Variants in PLOD2 observed in about 807,000 individuals in gnomAD.
PLOD2 encodes procollagen-lysine,2-oxoglutarate 5-dioxygenase 2.
PLOD2 carries 65 observed loss-of-function variants against 101.0 expected under a neutral mutation model. The ratio of observed to expected loss-of-function variants is 0.64; its 90% CI spans 0.53 to 0.79. The LOEUF is 0.79. PLOD2 is among the 30% of genes least tolerant of loss of function. The probability of loss-of-function intolerance (pLI) is 0.00; values close to 1 mark genes in which losing one functional copy is unlikely to be tolerated. For missense variants in PLOD2, 909 were observed against 914.6 expected, an observed-to-expected ratio of 0.99 and a Z score of 0.08; for synonymous variants, 314 against 302.9, an observed-to-expected ratio of 1.04 and a Z score of -0.38.
rs1013193146 is a variant in PLOD2, at chr3:146,108,185, G to A, written c.503-1541C>T. Reference sequence around the variant, plus strand: ...TATTTTTCTATTAAAAACTCTTTTTGTTGTTGTTTTTGGAGATGGGGCTCT... The same window carrying A: ...TATTTTTCTATTAAAAACTCTTTTTATTGTTGTTTTTGGAGATGGGGCTCT... On this transcript the variant is annotated intron_variant, in intron 4 of 19. Coordinates refer to ENST00000282903, the MANE Select transcript of PLOD2 (RefSeq NM_182943.3). Among the ~76,000 whole-genome samples the A allele has an allele frequency of 4.0e-5, 6 of 151,268 alleles. No individual in the cohort carries two copies. In the South Asian group the frequency reaches 1.3e-3, roughly 32 times the overall value.
rs760643773 is a variant in PLOD2 at position 146,071,124 on chromosome 3, C to T, written c.2039G>A (p.Arg680Gln). 1.5e-5 allele frequency: 24 copies of T among 1,610,734 alleles called. No individual in the cohort carries two copies. In the East Asian group the frequency reaches 3.1e-4, roughly 21 times the overall value. ...ATGATGAGGACGAAGAGAACGCTGT[C>T]GTTCAGGGGAGTATTTTACTACAAA... The part of the protein sequence containing the change: ...LNFVVKYSPE[R>Q]QRSLRPHHDA... The change falls in exon 19 of 20, where the codon CGA becomes CAA. Residue 680 changes from arginine to glutamine, a missense_variant. Transcript: ENST00000282903.
In PLOD2 at chr3:146,088,582, T is replaced by C; in HGVS notation, c.1005+4A>G. On this transcript the variant is annotated splice_donor_region_variant and intron_variant, in intron 9 of 19. Coordinates refer to ENST00000282903, the MANE Select transcript of PLOD2 (RefSeq NM_182943.3). ...CATAAAATATTCATTTCTCAAATACTTACTTTGTTATGAATAAAAAGTTTA... is the reference window on the plus strand; with the variant it reads ...CATAAAATATTCATTTCTCAAATACCTACTTTGTTATGAATAAAAAGTTTA... 1 of 1,548,256 alleles carries C rather than the reference T, an allele frequency of 6.5e-7. No individual in the cohort carries two copies. The highest frequency in any genetic ancestry group is 8.9e-7 in the Non-Finnish European group (1 of 1,122,122).
At chr3:146,089,262 T>C (rs1481420678) in intron 8 of PLOD2, among the ~76,000 whole-genome samples, 1 of 151,504 alleles carries the variant, frequency 6.6e-6, no homozygotes, top group Non-Finnish European at 1.5e-5. Flanking sequence ...TCTTAATGTA[T>C]ATATTTTAAT....
At chr3:146,073,990 T>C (rs931809631) in intron 15 of PLOD2, among the ~76,000 whole-genome samples, 13 of 151,600 alleles carry the variant, frequency 8.6e-5, no homozygotes, top group East Asian at 3.9e-4. Flanking sequence ...TAATCATGAG[T>C]TTACTAGCAC....
intron 3 of PLOD2, among the ~76,000 whole-genome samples, chr3:146,116,320 C>T (rs1178560138): frequency 1.3e-5 from 2 of 151,682 alleles, no homozygotes; most frequent in Non-Finnish European, 2.9e-5. Flanking sequence ...TGACTTTGCA[C>T]AACAGATTAT....
chr3:146,121,363 T>A, intron 2 of PLOD2, 115 bp from the exon 3 acceptor site: 1 of 845,540 alleles, frequency 1.2e-6, no homozygotes, highest in Non-Finnish European at 2.0e-6. Context: ...ACTCTTCTAA[T>A]GTTTCATGGA....
At chr3:146,133,867 A>G (rs1180166045) in intron 1 of PLOD2, among the ~76,000 whole-genome samples, 1 of 152,222 alleles carries the variant, frequency 6.6e-6, no homozygotes, top group Non-Finnish European at 1.5e-5. Flanking sequence ...CAAACCAAAC[A>G]AACAAAAACA....
Position 146,072,549 on chromosome 3 carries a change from A to G in PLOD2, c.1848+12T>C, listed in dbSNP as rs1254386697. ...CATACATTTTAGTTCTTAGTGTGAAATTACAACTTACATGATGTTTTCCCC... is the reference window on the plus strand; with the variant it reads ...CATACATTTTAGTTCTTAGTGTGAAGTTACAACTTACATGATGTTTTCCCC... On this transcript the variant is annotated intron_variant, in intron 17 of 19. Coordinates refer to ENST00000282903, the MANE Select transcript of PLOD2 (RefSeq NM_182943.3). 6.5e-7 allele frequency: 1 copy of G among 1,534,662 alleles called. No individual in the cohort carries two copies. Among genetic ancestry groups the G allele is most frequent in the South Asian group, 1.1e-5 (1 of 89,498 alleles).
chr3:146,110,404 T>G lies in PLOD2; in HGVS notation c.383A>C (p.Lys128Thr). 6.2e-7 allele frequency: 1 copy of G among 1,613,672 alleles called. No individual in the cohort carries two copies. The highest frequency in any genetic ancestry group is 1.1e-5 in the South Asian group (1 of 91,036). The change falls in exon 4 of 20, where the codon AAA (lysine) becomes ACA (threonine). Residue 128 changes from lysine to threonine, a missense_variant. Coordinates refer to ENST00000282903, the MANE Select transcript of PLOD2 (RefSeq NM_182943.3). ...CACTTTGTGGTTTGCCTTTTGGAAT[T>G]TTTTTAGAACTTCTTCTGGACCACC... is the stretch of plus-strand genomic sequence containing the variant. ...FAGGPEEVLK[K>T]FQKANHKVVF...
intron 2 of PLOD2, among the ~76,000 whole-genome samples, chr3:146,122,931 C>T (rs968068900): frequency 2.0e-5 from 3 of 152,062 alleles, no homozygotes; most frequent in African/African-American, 7.2e-5. Flanking sequence ...ATTATTTTAT[C>T]CTAATTTTAT....
At chr3:146,083,905 T>C (rs557985719) in intron 11 of PLOD2, among the ~76,000 whole-genome samples, 1 of 151,998 alleles carries the variant, frequency 6.6e-6, no homozygotes, top group East Asian at 1.9e-4. Flanking sequence ...TTTTAGAAGA[T>C]TTAAAATGTT....
chr3:146,080,115 G>C (rs990704879), intron 12 of PLOD2, among the ~76,000 whole-genome samples: 1 of 151,968 alleles, frequency 6.6e-6, no homozygotes, highest in African/African-American at 2.4e-5. Context: ...TACTAGACTA[G>C]CCTCAAAGAA....
Position 146,139,568 on chromosome 3 carries a change from G to C in PLOD2, c.110-15339C>G, listed in dbSNP as rs546836757. On this transcript the variant is annotated intron_variant, in intron 1 of 19. Transcript: ENST00000282903. ...GATTAAGGGTTTTATTATGATGCAG[G>C]AAAAAGATAATAATGCAGCTCATCC... Among the ~76,000 whole-genome samples, 7 of 152,070 alleles carry C rather than the reference G, an allele frequency of 4.6e-5. No individual in the cohort carries two copies. In the South Asian group the frequency reaches 1.4e-3, roughly 31 times the overall value.
chr3:146,156,325 G>A (rs2032301648), intron 1 of PLOD2, among the ~76,000 whole-genome samples: 1 of 152,226 alleles, frequency 6.6e-6, no homozygotes, highest in African/African-American at 2.4e-5. Flanking sequence ...AAGTTTTTCT[G>A]TACAGGACCA....
chr3:146,146,849 C>T (rs536158171), intron 1 of PLOD2, among the ~76,000 whole-genome samples: 31 of 152,272 alleles, frequency 2.0e-4, no homozygotes, highest in Non-Finnish European at 4.0e-4. Context: ...CTTGTAATTA[C>T]TTTTGTTAAA....
At chr3:146,120,115 A>AT (rs71158217) in intron 3 of PLOD2, among the ~76,000 whole-genome samples, 78,067 of 151,626 alleles carry the variant, frequency 0.51, 20,183 homozygotes, top group Middle Eastern at 0.56. Flanking sequence ...TTGTTTCCTG[A>AT]TTTTTTAATG....
intron 11 of PLOD2, among the ~76,000 whole-genome samples, chr3:146,084,081 AAAC>A (rs147369519): frequency 0.014 from 2,134 of 152,180 alleles, 53 homozygotes; most frequent in African/African-American, 0.048. Context: ...AATTAAGAGA[AAAC>A]AATGCAAATT....
At chr3:146,120,996 C>T in intron 3 of PLOD2, 116 bp downstream of exon 3, 6 of 810,724 alleles carry the variant, frequency 7.4e-6, no homozygotes, top group Middle Eastern at 2.3e-4. Flanking sequence ...GCTAGGATTA[C>T]AGGCGTGAGC....
At chr3:146,107,898 C>A (rs965017976) in intron 4 of PLOD2, among the ~76,000 whole-genome samples, 3 of 151,910 alleles carry the variant, frequency 2.0e-5, no homozygotes, top group Admixed American at 1.3e-4. Context: ...CCCGCCTCAG[C>A]CTCCCAAAGT....
Sources: gnomAD v4.1 joint callset for allele counts (sites outside exome capture counted in the v4.1 genomes callset) on GRCh38, gnomAD v4.1.1 for gene constraint, MANE v1.5 for transcripts, NCBI Gene and HGNC (gene_info 2026-07-23, HGNC 2026-07-21) for gene names.